COPG2: variants seen among roughly 807,000 people sequenced by gnomAD.
COPG2 encodes the protein coatomer subunit gamma-2.
A neutral mutation model predicts 46.3 loss-of-function variants in COPG2; 37 were observed. The ratio of observed to expected loss-of-function variants is 0.80; its 90% CI spans 0.61 to 1.05. COPG2 has a LOEUF of 1.05. COPG2 is among the 50% of genes least tolerant of loss of function. The pLI is 0.00. For missense variants in COPG2, 427 were observed against 387.8 expected, an observed-to-expected ratio of 1.10 and a Z score of -0.85; for synonymous variants, 159 against 129.7, an observed-to-expected ratio of 1.23 and a Z score of -1.53.
At chr7:130,593,715 T>C (rs1794474845) in intron 9 of COPG2, among the ~76,000 whole-genome samples, 1 of 151,622 alleles carries the variant, frequency 6.6e-6, no homozygotes, top group Admixed American at 6.6e-5. Flanking sequence ...TGGGTTTTCA[T>C]ATGGAGAAGA....
chr7:130,541,921 G>A (rs1223292038), intron 20 of COPG2, among the ~76,000 whole-genome samples: 1 of 133,030 alleles, frequency 7.5e-6, no homozygotes, highest in Non-Finnish European at 1.6e-5. Context: ...GGACAGTACC[G>A]TGCTATGCAG....
At chr7:130,538,260 A>G (rs1799903577) in intron 20 of COPG2, among the ~76,000 whole-genome samples, 2 of 152,152 alleles carry the variant, frequency 1.3e-5, no homozygotes, top group African/African-American at 2.4e-5. Flanking sequence ...TTGTGTGGAA[A>G]AAGTGAGACA....
At chr7:130,591,970 C>A (rs868922468) in intron 9 of COPG2, among the ~76,000 whole-genome samples, 1 of 152,118 alleles carries the variant, frequency 6.6e-6, no homozygotes, top group Admixed American at 6.5e-5. Context: ...GGGGGAAAGG[C>A]GGGGAAAAGA....
In COPG2 at chr7:130,611,106, T is replaced by C. The variant is rs1039167222; in HGVS notation, c.584A>G (p.His195Arg). The C allele has an allele frequency of 3.1e-6, 5 of 1,613,166 alleles. No homozygotes were observed. Among genetic ancestry groups the C allele is most frequent in the Non-Finnish European group, 4.2e-6 (5 of 1,179,520 alleles). Residue 195 changes from histidine (H) to arginine (R), a missense_variant, in exon 9 of 24, where the codon CAT becomes CGT. Coordinates refer to ENST00000425248, the MANE Select transcript of COPG2 (RefSeq NM_012133.6). ...AAGGTGATACAGGACTCCCAATGCA[T>C]GGTACTAAAGAACATGAAAAAGAAG... ...ASSDNIMVQY[H>R]ALGVLYHLRK...
At position 130,565,777 on chromosome 7, in the gene COPG2, A is replaced by T. The variant is rs1037614571; in HGVS notation, c.738-1384T>A. Among the ~76,000 whole-genome samples the T allele has an allele frequency of 3.1e-4, 47 of 152,298 alleles. 1 individual carries two copies. Among genetic ancestry groups the T allele is most frequent in the Middle Eastern group, 3.4e-3 (1 of 294 alleles). The stretch of plus-strand genomic sequence containing the variant: ...TTAAGAAACCAAATAGAAATTCTAG[A>T]TTTGCAAAGTGCAATGACTGGAATG... On this transcript the variant is annotated intron_variant, in intron 9 of 23. Coordinates refer to ENST00000425248, the MANE Select transcript of COPG2 (RefSeq NM_012133.6).
chr7:130,571,870 C>T (rs1052344263), intron 9 of COPG2, among the ~76,000 whole-genome samples: 12 of 151,692 alleles, frequency 7.9e-5, no homozygotes, highest in East Asian at 1.9e-4. Flanking sequence ...TACACAAACG[C>T]GCGCACACAC....
chr7:130,582,106 G>A (rs1794158368), intron 9 of COPG2, among the ~76,000 whole-genome samples: 1 of 149,110 alleles, frequency 6.7e-6, no homozygotes, highest in African/African-American at 2.5e-5. Flanking sequence ...ATACTACAAG[G>A]CTACAGTAAC....
At chr7:130,595,008 C>T (rs1794500497) in intron 9 of COPG2, among the ~76,000 whole-genome samples, 1 of 152,162 alleles carries the variant, frequency 6.6e-6, no homozygotes, top group Non-Finnish European at 1.5e-5. Context: ...AGTTCTGATC[C>T]TAGGTATGTA....
intron 9 of COPG2, among the ~76,000 whole-genome samples, chr7:130,590,025 C>A (rs1409081487): frequency 2.6e-5 from 4 of 152,014 alleles, no homozygotes; most frequent in Admixed American, 1.3e-4. Context: ...TAAAAACTAT[C>A]AATATTTTAT....
At chr7:130,552,828 T>G (rs912418856) in intron 14 of COPG2, among the ~76,000 whole-genome samples, 2 of 152,210 alleles carry the variant, frequency 1.3e-5, no homozygotes, top group Non-Finnish European at 2.9e-5. Flanking sequence ...ACCAAACTTT[T>G]GTCAGGAATT....
intron 20 of COPG2, among the ~76,000 whole-genome samples, chr7:130,525,903 T>C (rs2116351964): frequency 6.6e-6 from 1 of 151,652 alleles, no homozygotes; most frequent in African/African-American, 2.4e-5. Flanking sequence ...AGGTCTTAAA[T>C]TCTACACACG....
At chr7:130,549,484 GCTATTA>G (rs1238293264) in intron 17 of COPG2, 108 bp from the exon 18 acceptor site, 1 of 396,756 alleles carries the variant, frequency 2.5e-6, no homozygotes, top group Non-Finnish European at 4.4e-6. Context: ...TATATAATGA[GCTATTA>G]CTAGATCATA....
At chr7:130,637,256 T>C (rs895379822) in intron 5 of COPG2, among the ~76,000 whole-genome samples, 55 of 152,340 alleles carry the variant, frequency 3.6e-4, no homozygotes, top group African/African-American at 1.2e-3. Flanking sequence ...TTTCCTGAAT[T>C]TGAATGTTGG....
chr7:130,602,419 C>T (rs923058805), intron 9 of COPG2, among the ~76,000 whole-genome samples: 1 of 152,078 alleles, frequency 6.6e-6, no homozygotes, highest in Non-Finnish European at 1.5e-5. Context: ...TCCTCCCATA[C>T]AAGATGACAA....
intron 9 of COPG2, chr7:130,603,969 T>A: frequency 2.4e-6 from 1 of 422,600 alleles, no homozygotes; most frequent in East Asian, 7.2e-5. Flanking sequence ...ATTCTTACAA[T>A]AAAGTAAGCT....
intron 9 of COPG2, chr7:130,608,243 C>T (rs781914976): frequency 1.3e-5 from 6 of 464,096 alleles, no homozygotes; most frequent in South Asian, 7.9e-5. Flanking sequence ...GTCCATTTTT[C>T]TCCCTCATGC....
intron 9 of COPG2, among the ~76,000 whole-genome samples, chr7:130,600,257 C>T (rs189074759): frequency 1.8e-4 from 28 of 152,046 alleles, no homozygotes; most frequent in African/African-American, 6.3e-4. Context: ...TCCATTTTGT[C>T]ATTTTTATTT....
At position 130,550,649 on chromosome 7, in the gene COPG2, C is replaced by T. The variant is rs1793524830; in HGVS notation, c.1649G>A (p.Gly550Asp). The T allele has an allele frequency of 1.8e-5, 7 of 397,404 alleles. No homozygotes were observed. The highest frequency in any genetic ancestry group is 2.2e-5 in the Non-Finnish European group (5 of 225,394). 24.6% of individuals were successfully genotyped at this position (397,404 alleles called of 1,614,324 possible). A position where few individuals can be genotyped will look rare whatever the true frequency, so the allele number is the denominator to read the frequency against. ...MALNATYIFN[G>D]LTVSVPGMEK... ...CATCCCTGGTACAGAGACCGTCAAA[C>T]CTGTGAAACATAGAGAAATCTCAGC... The change falls in exon 17 of 24, where the codon GGT (glycine) becomes GAT (aspartate). Residue 550 changes from glycine (G) to aspartate (D), a missense_variant and splice_region_variant. Gly to Asp is a moderately conservative substitution (Grantham distance 94, BLOSUM62 -1). Transcript: ENST00000425248.
At position 130,649,034 on chromosome 7, in the gene COPG2, C is replaced by T. The variant is rs554880989; in HGVS notation, c.323+3835G>A. Among the ~76,000 whole-genome samples, 41 of 152,288 alleles carry T rather than the reference C, an allele frequency of 2.7e-4. No homozygotes were observed. The South Asian group carries it at 3.5e-3, about 13-fold the overall frequency. On this transcript the variant is annotated intron_variant, in intron 5 of 23. Coordinates refer to ENST00000425248, the MANE Select transcript of COPG2 (RefSeq NM_012133.6). The stretch of plus-strand genomic sequence containing the variant: ...AATTCTCAAAAACCTTGTGGGTCTA[C>T]TGTATAAGTACAGAGACTCACTCCA...
Sources: allele counts gnomAD v4.1 joint callset (sites outside exome capture counted in the v4.1 genomes callset), GRCh38; gene constraint gnomAD v4.1.1; transcripts MANE v1.5; gene names NCBI Gene and HGNC (gene_info 2026-07-23, HGNC 2026-07-21).